Variants in CALN1 observed in about 807,000 individuals in gnomAD.
The protein encoded by CALN1 is calcium-binding protein 8.
CALN1 carries 17 observed loss-of-function variants against 30.6 expected under a neutral mutation model. The ratio of observed to expected loss-of-function variants is 0.56; its 90% CI spans 0.38 to 0.83. The LOEUF is 0.83. Among genes scored for constraint, CALN1 ranks in the 40% least tolerant of loss-of-function variants. CALN1 has a pLI of 0.00. For missense variants in CALN1, 291 were observed against 354.9 expected, an observed-to-expected ratio of 0.82 and a Z score of 1.45; for synonymous variants, 156 against 131.4, an observed-to-expected ratio of 1.19 and a Z score of -1.28.
chr7:71,941,185 A>G (rs988623556), intron 5 of CALN1, among the ~76,000 whole-genome samples: 2 of 150,088 alleles, frequency 1.3e-5, no homozygotes, highest in East Asian at 2.0e-4. Flanking sequence ...CATCTCTACT[A>G]AAAAAAATAC....
intron 3 of CALN1, among the ~76,000 whole-genome samples, chr7:72,142,935 T>A (rs1173236807): frequency 6.6e-6 from 1 of 152,042 alleles, no homozygotes; most frequent in East Asian, 1.9e-4. Flanking sequence ...GAAGGAAAAC[T>A]AACAAACAGA....
At chr7:71,924,614 T>C (rs1009358546) in intron 5 of CALN1, among the ~76,000 whole-genome samples, 5 of 152,144 alleles carry the variant, frequency 3.3e-5, no homozygotes, top group African/African-American at 1.2e-4. Flanking sequence ...TAAATAGCTG[T>C]ACCTTAATCT....
chr7:72,044,598 A>ATTTT (rs1563005478), intron 4 of CALN1, among the ~76,000 whole-genome samples: 2 of 114,434 alleles, frequency 1.7e-5, no homozygotes, highest in African/African-American at 6.9e-5. Context: ...TCCGCTTAAA[A>ATTTT]CTTTTTTTTT....
intron 5 of CALN1, among the ~76,000 whole-genome samples, chr7:71,852,062 C>G (rs1217892947): frequency 6.6e-6 from 1 of 152,044 alleles, no homozygotes; most frequent in Non-Finnish European, 1.5e-5. Flanking sequence ...ATCCTCAGAG[C>G]CAGGTGGAAT....
intron 4 of CALN1, among the ~76,000 whole-genome samples, chr7:72,090,812 C>A (rs547614980): frequency 3.3e-5 from 5 of 152,090 alleles, no homozygotes; most frequent in Non-Finnish European, 7.4e-5. Flanking sequence ...TTAAGTGAAA[C>A]AAGCCAAGTG....
chr7:72,503,970 T>G, the CALN1 span, among the ~76,000 whole-genome samples: 2 of 152,110 alleles, frequency 1.3e-5, no homozygotes, highest in Non-Finnish European at 1.5e-5. Flanking sequence ...TTTCAAGAGC[T>G]GTAGCAACAA....
upstream of CALN1, among the ~76,000 whole-genome samples, chr7:72,449,635 G>A (rs1355881957): frequency 6.6e-6 from 1 of 152,078 alleles, no homozygotes; most frequent in Non-Finnish European, 1.5e-5. Context: ...CATTTTAAGA[G>A]GCCAAGGTGG....
the CALN1 span, among the ~76,000 whole-genome samples, chr7:72,491,371 G>C: frequency 6.6e-6 from 1 of 152,032 alleles, no homozygotes; most frequent in African/African-American, 2.4e-5. Context: ...GCCTTCAAGA[G>C]CAGCCTGGGC....
intron 3 of CALN1, among the ~76,000 whole-genome samples, chr7:72,233,616 G>A (rs950925930): frequency 1.2e-4 from 18 of 152,128 alleles, no homozygotes; most frequent in African/African-American, 4.3e-4. Context: ...CTACTTGGAG[G>A]GCTGAGGCAG....
chr7:72,336,144 G>T (rs975155555), intron 2 of CALN1, among the ~76,000 whole-genome samples: 1 of 151,754 alleles, frequency 6.6e-6, no homozygotes, highest in Non-Finnish European at 1.5e-5. Flanking sequence ...GGCGAGGAGC[G>T]TGCGCCCAGA....
intron 5 of CALN1, among the ~76,000 whole-genome samples, chr7:71,969,986 A>G (rs996217443): frequency 3.3e-5 from 5 of 152,066 alleles, no homozygotes; most frequent in Non-Finnish European, 7.4e-5. Context: ...CACCACTCCC[A>G]GCTAATTTTT....
Position 72,089,707 on chromosome 7 carries a change from T to C in CALN1, c.388+16444A>G, listed in dbSNP as rs78776393. 2.0e-3 allele frequency among the ~76,000 whole-genome samples: 297 copies of C among 152,140 alleles called. 2 individuals carry two copies. The highest frequency in any genetic ancestry group is 6.8e-3 in the African/African-American group (282 of 41,494). ...CAAAAATCAACAGGACTCAAAAGCATTTAAAGAACATTTGCACTGATAAAA... is the reference window on the plus strand; with the variant it reads ...CAAAAATCAACAGGACTCAAAAGCACTTAAAGAACATTTGCACTGATAAAA... On this transcript the variant is annotated intron_variant, in intron 4 of 6. Coordinates refer to ENST00000395275, the MANE Select transcript of CALN1 (RefSeq NM_031468.4).
chr7:72,435,516 G>A (rs1481088765), intron 1 of CALN1, among the ~76,000 whole-genome samples: 1 of 152,162 alleles, frequency 6.6e-6, no homozygotes, highest in Non-Finnish European at 1.5e-5. Flanking sequence ...TGGACAGATG[G>A]GTTTCCTTCC....
intron 2 of CALN1, among the ~76,000 whole-genome samples, chr7:72,361,015 C>A (rs1184866578): frequency 6.6e-6 from 1 of 152,032 alleles, no homozygotes; most frequent in African/African-American, 2.4e-5. Flanking sequence ...GCATGAGCCA[C>A]CGCACACAGC....
the CALN1 span, among the ~76,000 whole-genome samples, chr7:72,477,166 G>A: frequency 2.5e-3 from 383 of 151,892 alleles, 3 homozygotes; most frequent in Middle Eastern, 0.031. Context: ...AGCTGAGATC[G>A]TGCCACTGAA....
At chr7:71,948,912 A>G (rs1194619372) in intron 5 of CALN1, among the ~76,000 whole-genome samples, 3 of 150,942 alleles carry the variant, frequency 2.0e-5, no homozygotes, top group Admixed American at 1.3e-4. Context: ...GCATGGTAGC[A>G]TGTGCCTGTA....
intron 2 of CALN1, among the ~76,000 whole-genome samples, chr7:72,310,104 AAGG>A (rs565515111): frequency 1.2e-3 from 175 of 152,038 alleles, no homozygotes; most frequent in African/African-American, 3.9e-3. Context: ...CTTGCTCAGG[AAGG>A]AGGAGTTCTG....
At chr7:72,336,230 G>A (rs1162266968) in intron 2 of CALN1, among the ~76,000 whole-genome samples, 2 of 152,258 alleles carry the variant, frequency 1.3e-5, no homozygotes, top group East Asian at 1.9e-4. Flanking sequence ...CCATGACTCC[G>A]GCTTCGCGAA....
chr7:72,169,491 T>TA (rs57397650), intron 3 of CALN1, among the ~76,000 whole-genome samples: 31,189 of 97,374 alleles, frequency 0.32, 3,376 homozygotes, highest in Admixed American at 0.38. Flanking sequence ...AGCTGATTAT[T>TA]TTTTTTTTTT....
Sources: gnomAD v4.1 joint callset for allele counts (sites outside exome capture counted in the v4.1 genomes callset) on GRCh38, gnomAD v4.1.1 for gene constraint, MANE v1.5 for transcripts, NCBI Gene and HGNC (gene_info 2026-07-23, HGNC 2026-07-21) for gene names.